The following MED24 variants were observed in gnomAD, a reference collection of about 807,000 sequenced individuals.
MED24 encodes the protein mediator of RNA polymerase II transcription subunit 24.
MED24 carries 74 observed loss-of-function variants against 118.8 expected under a neutral mutation model. The observed-to-expected ratio is 0.62, with a 90% CI of 0.52 to 0.76. The LOEUF is 0.76. Ranked by LOEUF, MED24 falls within the 30% of genes least tolerant of loss-of-function variation. The pLI is 0.00. For missense variants in MED24, 1,041 were observed against 1,278.9 expected (o/e 0.81, Z 2.84); for synonymous variants, 521 against 523.9 (o/e 0.99, Z 0.08).
chr17:40,037,701 A>G (rs776947789), intron 3 of MED24, among the ~76,000 whole-genome samples: 17 of 152,116 alleles, frequency 1.1e-4, no homozygotes, highest in Non-Finnish European at 2.2e-4. Flanking sequence ...CATGAGGTCA[A>G]GAGATCAAGA....
Position 40,019,823 on chromosome 17 carries a change from C to G in MED24, c.2815G>C (p.Gly939Arg), listed in dbSNP as rs1200568609. Residue 939 changes from glycine (G) to arginine (R), a missense_variant, in exon 25 of 26, where the codon GGC (glycine) becomes CGC (arginine). Physicochemically the swap from Gly to Arg is moderately radical, Grantham distance 125. This residue lies in a region of MED24 where 587 missense variants were observed against 694.4 expected (regional missense o/e 0.85). Transcript: ENST00000394128. ...EECVDCLEQGGRGSVLQFMPF... is the reference protein window; with the variant it reads ...EECVDCLEQGRRGSVLQFMPF... ...ATGAACTGCAGGACGCTGCCACGGCCACCCTGCTCCAGGCAGTCCACACAC... is the reference window on the plus strand; with the variant it reads ...ATGAACTGCAGGACGCTGCCACGGCGACCCTGCTCCAGGCAGTCCACACAC... The G allele has an allele frequency of 6.2e-7, 1 of 1,603,992 alleles. No individual in the cohort carries two copies. Among genetic ancestry groups the G allele is most frequent in the Admixed American group, 1.7e-5 (1 of 58,116 alleles).
chr17:40,041,541 T>A (rs1984561532), intron 3 of MED24, among the ~76,000 whole-genome samples: 1 of 152,174 alleles, frequency 6.6e-6, no homozygotes, highest in Non-Finnish European at 1.5e-5. Context: ...ACACGTATGT[T>A]CAACTGCCTA....
chr17:40,038,709 CAAA>C (rs547061911), intron 3 of MED24, among the ~76,000 whole-genome samples: 8 of 84,274 alleles, frequency 9.5e-5, no homozygotes, highest in African/African-American at 4.4e-5. Flanking sequence ...GACTCCATCT[CAAA>C]AAAAAAAAAA....
chr17:40,020,455 C>G, intron 23 of MED24, 102 bp from the exon 24 acceptor site: 1 of 1,545,510 alleles, frequency 6.5e-7, no homozygotes, highest in South Asian at 1.2e-5. Flanking sequence ...TCGGAGGTAA[C>G]TGGTACATGG....
In MED24 at chr17:40,024,569, C is replaced by T. The variant is rs772881658; in HGVS notation, c.1986-1174G>A. Among the ~76,000 whole-genome samples the T allele has an allele frequency of 7.8e-4, 119 of 152,042 alleles. 2 individuals carry two copies. Among genetic ancestry groups the T allele is most frequent in the Non-Finnish European group, 3.1e-4 (21 of 68,004 alleles). The stretch of plus-strand genomic sequence containing the variant: ...ACATAAATAAATAAATAAAGACATC[C>T]TCAACGTTGCCATAAAGACATGGCA... On this transcript the variant is annotated intron_variant, in intron 19 of 25. Transcript: ENST00000394128.
At chr17:40,026,512 C>G (rs1422099006) in intron 18 of MED24, 135 bp downstream of exon 18, 6 of 1,139,834 alleles carry the variant, frequency 5.3e-6, no homozygotes, top group Non-Finnish European at 7.5e-6. Context: ...GCTAAGACAA[C>G]GATTACACAA....
At chr17:40,031,804 G>A (rs1182001963) in intron 10 of MED24, among the ~76,000 whole-genome samples, 184 bp from the exon 11 acceptor site, 9 of 152,080 alleles carry the variant, frequency 5.9e-5, no homozygotes, top group Non-Finnish European at 5.9e-5. Flanking sequence ...ACACGTACAC[G>A]CTGAAGCACA....
At chr17:40,021,099 A>ACAAAC in intron 23 of MED24, 1 of 151,896 alleles carries the variant, frequency 6.6e-6, no homozygotes. Context: ...AAACAAACAA[A>ACAAAC]AAACAAAACA....
intron 16 of MED24, 70 bp from the exon 17 acceptor site, chr17:40,027,104 C>T: frequency 6.4e-7 from 1 of 1,551,168 alleles, no homozygotes; most frequent in Non-Finnish European, 8.8e-7. Flanking sequence ...GGACCTGGGG[C>T]TGCACTGTTT....
intron 19 of MED24, among the ~76,000 whole-genome samples, chr17:40,025,396 A>T (rs1982526124): frequency 1.3e-5 from 2 of 152,166 alleles, no homozygotes; most frequent in African/African-American, 4.8e-5. Flanking sequence ...TGAGCCCAGG[A>T]ATTTGAGGTT....
chr17:40,030,285 G>C (rs1048927135), intron 12 of MED24, among the ~76,000 whole-genome samples: 4 of 147,442 alleles, frequency 2.7e-5, no homozygotes, highest in Non-Finnish European at 6.0e-5. Context: ...AGCACACCTG[G>C]CAATTTATCA....
In MED24 at chr17:40,033,295, AG is replaced by A; in HGVS notation, c.671+49del. 1 of 1,611,994 alleles carries A rather than the reference AG, an allele frequency of 6.2e-7. No homozygotes were observed. The highest frequency in any genetic ancestry group is 8.5e-7 in the Non-Finnish European group (1 of 1,179,262). On this transcript the variant is annotated intron_variant, in intron 7 of 25. Transcript: ENST00000394128. The surrounding 1 kb of genome is among the most constrained non-coding windows in gnomAD (Gnocchi z 5.2). ...CACGGGTGCCACATCTTCCTACCCCAGGGCGTGTCCTCCCTCTCCCTTCTCC... is the reference window on the plus strand; with the variant it reads ...CACGGGTGCCACATCTTCCTACCCCAGGCGTGTCCTCCCTCTCCCTTCTCC...
Position 40,026,775 on chromosome 17 carries a change from G to A in MED24, c.1710-29C>T, listed in dbSNP as rs772999759. ...CGGGTGTGCAGAGAAGTCAGCACAG[G>A]GGAGCAAGGAACGGGCTCAGGGAGC... On this transcript the variant is annotated intron_variant, in intron 17 of 25. Transcript: ENST00000394128. 137 of 1,611,126 alleles carry A rather than the reference G, an allele frequency of 8.5e-5. No homozygotes were observed. The Admixed American group carries it at 2.3e-3, about 27-fold the overall frequency.
At chr17:40,040,406 G>A (rs9916152) in intron 3 of MED24, among the ~76,000 whole-genome samples, 11,453 of 151,808 alleles carry the variant, frequency 0.075, 1,483 homozygotes, top group African/African-American at 0.26. Context: ...TGCAGAGATG[G>A]GGTTTTGCCG....
intron 23 of MED24, 86 bp from the exon 24 acceptor site, chr17:40,020,439 C>T: frequency 6.5e-7 from 1 of 1,548,536 alleles, no homozygotes; most frequent in East Asian, 2.5e-5. Flanking sequence ...ACCCGACCTT[C>T]ACCCATCGGA....
chr17:40,053,407 T>G, intron 2 of MED24, 27 bp from the exon 3 acceptor site: 1 of 1,613,426 alleles, frequency 6.2e-7, no homozygotes, highest in Non-Finnish European at 8.5e-7. Context: ...AAAACACAAC[T>G]GAGTGATTAC....
At chr17:40,046,392 A>T (rs1232424877) in intron 3 of MED24, among the ~76,000 whole-genome samples, 1 of 149,106 alleles carries the variant, frequency 6.7e-6, no homozygotes, top group African/African-American at 2.5e-5. Flanking sequence ...GCCTAAAAAA[A>T]TTTTTAATAA....
At chr17:40,051,110 T>C (rs1555541503) in intron 3 of MED24, among the ~76,000 whole-genome samples, 1 of 124,592 alleles carries the variant, frequency 8.0e-6, no homozygotes, top group Non-Finnish European at 1.6e-5. Context: ...CACTCCAGCC[T>C]GGGCAACAAG....
chr17:40,021,847 C>G, intron 23 of MED24, 108 bp downstream of exon 23: 1 of 834,362 alleles, frequency 1.2e-6, no homozygotes, highest in Non-Finnish European at 1.9e-6. Flanking sequence ...GCCACACCCT[C>G]TCTGACCAGC....
Sources: allele counts gnomAD v4.1 joint callset (sites outside exome capture counted in the v4.1 genomes callset), GRCh38; gene constraint gnomAD v4.1.1; regional missense constraint gnomAD v4.1.1; non-coding constraint Gnocchi (gnomAD v3.1); transcripts MANE v1.5; gene names NCBI Gene and HGNC (gene_info 2026-07-23, HGNC 2026-07-21).